NSUN6: variants seen among roughly 807,000 people sequenced by gnomAD.
NSUN6 encodes the protein tRNA (cytosine(72)-C(5))-methyltransferase NSUN6.
A neutral mutation model predicts 58.0 loss-of-function variants in NSUN6; 64 were observed. That is an observed-to-expected ratio of 1.10 (90% CI 0.90 to 1.36). The LOEUF is 1.36. Among genes scored for constraint, NSUN6 ranks in the 40% most tolerant of loss-of-function variants. NSUN6 has a pLI of 0.00. For synonymous variants in NSUN6, 231 were observed against 193.9 expected (o/e 1.19, Z -1.59); for missense variants, 701 against 550.1 (o/e 1.27, Z -2.74).
chr10:18,562,639 T>G (rs1406613570), intron 8 of NSUN6, among the ~76,000 whole-genome samples: 3 of 134,448 alleles, frequency 2.2e-5, no homozygotes, highest in Admixed American at 1.5e-4. Context: ...TGGAAGAGAA[T>G]GGAATGGAGA....
At chr10:18,557,891 A>AAATGAAGAATGG (rs1196330457) in intron 8 of NSUN6, among the ~76,000 whole-genome samples, 3 of 150,720 alleles carry the variant, frequency 2.0e-5, no homozygotes, top group African/African-American at 7.3e-5. Flanking sequence ...GAATGGAATG[A>AAATGAAGAATGG]AATGAAGAAT....
At chr10:18,585,767 C>A (rs1465991704) in intron 8 of NSUN6, among the ~76,000 whole-genome samples, 182 bp downstream of exon 8, 1 of 146,866 alleles carries the variant, frequency 6.8e-6, no homozygotes, top group Non-Finnish European at 1.5e-5. Flanking sequence ...TTTTGTGTTT[C>A]AAAGCTGCTA....
chr10:18,546,058 C>T lies in NSUN6; in HGVS notation c.1285G>A (p.Val429Met). ...KQLQRFDPSA[V>M]PLPDTDMDSL... ...TCCATGTCAGTGTCCGGTAATGGCA[C>T]AGCCGATGGATCAAATCGCTGCAGC... The change falls in exon 11 of 11, where the codon GTG becomes ATG. Residue 429 changes from valine to methionine, a missense_variant. Physicochemically the swap from Val to Met is conservative, Grantham distance 21. Transcript: ENST00000377304. 1 of 1,605,460 alleles carries T rather than the reference C, an allele frequency of 6.2e-7. No homozygotes were observed. Among genetic ancestry groups the T allele is most frequent in the Admixed American group, 1.7e-5 (1 of 58,252 alleles).
At chr10:18,561,390 T>TGAATG (rs1322273772) in intron 8 of NSUN6, among the ~76,000 whole-genome samples, 1 of 54,240 alleles carries the variant, frequency 1.8e-5, no homozygotes, top group Non-Finnish European at 3.7e-5. Flanking sequence ...AATGCAGTGG[T>TGAATG]GAATGGAATG....
chr10:18,582,660 T>C (rs1368131821), intron 8 of NSUN6, among the ~76,000 whole-genome samples: 1 of 152,136 alleles, frequency 6.6e-6, no homozygotes, highest in East Asian at 1.9e-4. Context: ...AAGCAATCAA[T>C]CTGCAATTAG....
At chr10:18,578,246 T>TTTTTC (rs2056753033) in intron 8 of NSUN6, among the ~76,000 whole-genome samples, 1 of 142,300 alleles carries the variant, frequency 7.0e-6, no homozygotes, top group South Asian at 2.4e-4. Flanking sequence ...TTTTTTTTTT[T>TTTTTC]TTTTGAGATG....
intron 8 of NSUN6, among the ~76,000 whole-genome samples, chr10:18,572,223 T>C (rs1378949193): frequency 6.8e-6 from 1 of 146,872 alleles, no homozygotes; most frequent in South Asian, 2.1e-4. Flanking sequence ...CATTGTTCAC[T>C]CCATTCCCTT....
chr10:18,613,581 C>T (rs2058310545), intron 5 of NSUN6, among the ~76,000 whole-genome samples: 1 of 152,108 alleles, frequency 6.6e-6, no homozygotes, highest in Non-Finnish European at 1.5e-5. Context: ...AATTACAGGT[C>T]CAAAGATAAA....
At chr10:18,585,871 A>G in intron 8 of NSUN6, 78 bp downstream of exon 8, 3 of 1,050,160 alleles carry the variant, frequency 2.9e-6, no homozygotes, top group Non-Finnish European at 2.8e-6. Flanking sequence ...ACAAAATTAT[A>G]TACATGTCAA....
intron 5 of NSUN6, 80 bp downstream of exon 5, chr10:18,614,380 T>G: frequency 1.2e-6 from 1 of 845,312 alleles, no homozygotes; most frequent in South Asian, 2.9e-5. Context: ...ATAATGCAAC[T>G]AGATACATTT....
rs141708102 is a variant in NSUN6, at chr10:18,617,479, C to T, written c.312-1186G>A. 1.4e-3 allele frequency among the ~76,000 whole-genome samples: 208 copies of T among 152,284 alleles called. 1 individual carries two copies. Among genetic ancestry groups the T allele is most frequent in the African/African-American group, 4.6e-3 (193 of 41,570 alleles). Reference sequence around the variant, plus strand: ...CTGGGATTATAGGCATGAGCCACCACGCCCAGCTTAGACTCTTAATTAGTA... The same window carrying T: ...CTGGGATTATAGGCATGAGCCACCATGCCCAGCTTAGACTCTTAATTAGTA... On this transcript the variant is annotated intron_variant, in intron 3 of 10. Coordinates refer to ENST00000377304, the MANE Select transcript of NSUN6 (RefSeq NM_182543.5).
In NSUN6 at chr10:18,564,155, C is replaced by T. The variant is rs377019111; in HGVS notation, c.923-12184G>A. On this transcript the variant is annotated intron_variant, in intron 8 of 10. Coordinates refer to ENST00000377304, the MANE Select transcript of NSUN6 (RefSeq NM_182543.5). ...CCATTTCCCAGTCCATTCTCCATTA[C>T]AGTCCATTCCATTTTCCATTCCATA... Among the ~76,000 whole-genome samples the T allele has an allele frequency of 1.9e-4, 29 of 151,358 alleles. No homozygotes were observed. The East Asian group carries it at 3.5e-3, about 18-fold the overall frequency.
intron 8 of NSUN6, among the ~76,000 whole-genome samples, chr10:18,566,454 C>A (rs908436590): frequency 6.7e-6 from 1 of 150,074 alleles, no homozygotes; most frequent in Non-Finnish European, 1.5e-5. Flanking sequence ...CCATTCCATT[C>A]TGCATTCCAT....
At chr10:18,616,832 T>C (rs2058427422) in intron 3 of NSUN6, among the ~76,000 whole-genome samples, 1 of 152,188 alleles carries the variant, frequency 6.6e-6, no homozygotes, top group South Asian at 2.1e-4. Context: ...GTTCCAAAGA[T>C]CAGGGACCCA....
intron 8 of NSUN6, among the ~76,000 whole-genome samples, chr10:18,552,399 C>G (rs1027524456): frequency 3.3e-5 from 5 of 152,188 alleles, no homozygotes; most frequent in Middle Eastern, 3.4e-3. Flanking sequence ...CCTGAGTCTC[C>G]TTGTTTCTGT....
intron 1 of NSUN6, among the ~76,000 whole-genome samples, chr10:18,649,326 C>G (rs2131602727): frequency 6.6e-6 from 1 of 152,234 alleles, no homozygotes; most frequent in African/African-American, 2.4e-5. Context: ...TGACTAAACC[C>G]TGCTTTACAG....
At chr10:18,625,726 A>T (rs1458695672) in intron 3 of NSUN6, among the ~76,000 whole-genome samples, 2 of 147,254 alleles carry the variant, frequency 1.4e-5, no homozygotes, top group African/African-American at 2.5e-5. Flanking sequence ...TTTTTAAAAA[A>T]AAAAAAAAAA....
At chr10:18,551,056 T>A (rs567739832) in intron 9 of NSUN6, among the ~76,000 whole-genome samples, 1 of 152,090 alleles carries the variant, frequency 6.6e-6, no homozygotes, top group Admixed American at 6.6e-5. Context: ...AAAAGAGTAA[T>A]TTATTTTATA....
At chr10:18,550,730 T>G (rs368680742) in intron 9 of NSUN6, among the ~76,000 whole-genome samples, 1 of 17,512 alleles carries the variant, frequency 5.7e-5, no homozygotes, top group Admixed American at 6.1e-4. Context: ...AAAAATCTCT[T>G]TTTTTTTTTT....
Sources: gnomAD v4.1 joint callset for allele counts (sites outside exome capture counted in the v4.1 genomes callset) on GRCh38, gnomAD v4.1.1 for gene constraint, MANE v1.5 for transcripts, NCBI Gene and HGNC (gene_info 2026-07-23, HGNC 2026-07-21) for gene names.